Variants in PLA2G4A observed in about 807,000 individuals in gnomAD.
PLA2G4A encodes the protein cytosolic phospholipase A2.
PLA2G4A carries 40 observed loss-of-function variants against 81.9 expected under a neutral mutation model. The observed-to-expected ratio is 0.49, with a 90% CI of 0.38 to 0.64. The LOEUF (loss-of-function observed/expected upper bound fraction) is 0.64, where lower values mean the gene tolerates loss of function less well. PLA2G4A is among the 30% of genes least tolerant of loss of function. The probability of loss-of-function intolerance (pLI) is 0.00; values close to 1 mark genes in which losing one functional copy is unlikely to be tolerated. For missense variants in PLA2G4A, 715 were observed against 905.1 expected, an observed-to-expected ratio of 0.79 and a Z score of 2.69; for synonymous variants, 302 against 296.9, an observed-to-expected ratio of 1.02 and a Z score of -0.18.
chr1:186,965,640 C>A, intron 15 of PLA2G4A, 47 bp downstream of exon 15: 1 of 1,341,672 alleles, frequency 7.5e-7, no homozygotes, highest in South Asian at 1.2e-5. Flanking sequence ...CATTCTCTTG[C>A]TTGCCTTATA....
At chr1:186,835,228 A>G (rs1385372083) in intron 1 of PLA2G4A, among the ~76,000 whole-genome samples, 2 of 152,208 alleles carry the variant, frequency 1.3e-5, no homozygotes, top group Non-Finnish European at 2.9e-5. Context: ...CACAGGCAGT[A>G]AACTGGGATG....
At chr1:186,839,127 A>G (rs1651889338) in intron 1 of PLA2G4A, among the ~76,000 whole-genome samples, 1 of 152,216 alleles carries the variant, frequency 6.6e-6, no homozygotes, top group Non-Finnish European at 1.5e-5. Context: ...TTCACATAAA[A>G]ATGATTTAGT....
intron 1 of PLA2G4A, among the ~76,000 whole-genome samples, chr1:186,843,746 C>T (rs1317857403): frequency 6.6e-6 from 1 of 152,164 alleles, no homozygotes; most frequent in African/African-American, 2.4e-5. Context: ...GGAGTATCTC[C>T]AACGTCATGG....
At chr1:186,906,232 A>G (rs1320744037) in intron 5 of PLA2G4A, among the ~76,000 whole-genome samples, 1 of 152,234 alleles carries the variant, frequency 6.6e-6, no homozygotes, top group African/African-American at 2.4e-5. Flanking sequence ...AATATTGAAA[A>G]GGCCTTTCTG....
chr1:186,868,242 T>G (rs1181171594), intron 2 of PLA2G4A, among the ~76,000 whole-genome samples: 1 of 151,408 alleles, frequency 6.6e-6, no homozygotes, highest in African/African-American at 2.4e-5. Context: ...GCCCGGCTAA[T>G]TTTTTTTGTA....
chr1:186,942,100 A>G (rs138701065), intron 10 of PLA2G4A, among the ~76,000 whole-genome samples: 1 of 152,206 alleles, frequency 6.6e-6, no homozygotes, highest in Admixed American at 6.5e-5. Flanking sequence ...TGGATTGTGG[A>G]AGGGGGCATG....
intron 2 of PLA2G4A, among the ~76,000 whole-genome samples, chr1:186,868,484 T>A (rs1049012052): frequency 2.0e-5 from 3 of 152,236 alleles, no homozygotes; most frequent in Admixed American, 6.5e-5. Flanking sequence ...TTTTCTTTTC[T>A]TGTAATGACT....
chr1:186,865,003 T>C (rs558885278), intron 2 of PLA2G4A, among the ~76,000 whole-genome samples: 1 of 151,150 alleles, frequency 6.6e-6, no homozygotes, highest in Admixed American at 6.6e-5. Flanking sequence ...CTTGGGAGGC[T>C]GAGGTCGGAA....
At position 186,979,702 on chromosome 1, in the gene PLA2G4A, TACTC is replaced by T. The variant is rs1440181991; in HGVS notation, c.2118+232_2118+235del. On this transcript the variant is annotated intron_variant, in intron 17 of 17. Transcript: ENST00000367466. ...ATTATTTTATTGAATGATTGGTTAA[TACTC>T]AGTTTCTTTCCCGAAGTATCTATGT... Among the ~76,000 whole-genome samples, 22 of 152,188 alleles carry T rather than the reference TACTC, an allele frequency of 1.4e-4. No individual in the cohort carries two copies. The South Asian group carries it at 2.3e-3, about 16-fold the overall frequency.
At chr1:186,938,905 A>G (rs1656046890) in intron 8 of PLA2G4A, 103 bp from the exon 9 acceptor site, 1 of 738,248 alleles carries the variant, frequency 1.4e-6, no homozygotes, top group Non-Finnish European at 2.5e-6. Flanking sequence ...GAAGTTAACC[A>G]AATATGTCCA....
chr1:186,988,859 A>C lies in PLA2G4A; in HGVS notation c.*351A>C. 1 of 206,240 alleles carries C rather than the reference A, an allele frequency of 4.8e-6. No homozygotes were observed. The highest frequency in any genetic ancestry group is 1.0e-5 in the Non-Finnish European group (1 of 99,648). The allele number at this position is 206,240 out of a possible 1,614,324, so 12.8% of individuals were successfully genotyped here. A position where few individuals can be genotyped will look rare whatever the true frequency, so the allele number is the denominator to read the frequency against. On this transcript the variant is annotated 3_prime_UTR_variant, in exon 18 of 18. Transcript: ENST00000367466. Reference sequence around the variant, plus strand: ...TATTTAACAGTTCAATCTCAATAAGACCTCGCATTATGTATGAATGTTATT... The same window carrying C: ...TATTTAACAGTTCAATCTCAATAAGCCCTCGCATTATGTATGAATGTTATT...
chr1:186,880,795 A>G (rs1260152477), intron 3 of PLA2G4A, among the ~76,000 whole-genome samples: 1 of 152,070 alleles, frequency 6.6e-6, no homozygotes, highest in African/African-American at 2.4e-5. Context: ...AAACATCCGT[A>G]CATTCTAAGC....
At chr1:186,847,079 G>T (rs1186189060) in intron 1 of PLA2G4A, among the ~76,000 whole-genome samples, 3 of 151,742 alleles carry the variant, frequency 2.0e-5, no homozygotes, top group Non-Finnish European at 4.4e-5. Flanking sequence ...AAAAGGAAAT[G>T]TTTATAGAAT....
chr1:186,893,993 T>C lies in PLA2G4A; in HGVS notation c.265-105T>C, dbSNP rs1654242481. 4 of 706,522 alleles carry C rather than the reference T, an allele frequency of 5.7e-6. No individual in the cohort carries two copies. In the Admixed American group the frequency reaches 8.2e-5, roughly 14 times the overall value. The allele number at this position is 706,522 out of a possible 1,614,324, so 43.8% of individuals were successfully genotyped here. ...ATTGAGATCTTCAAGGACTCTTAAA[T>C]ATCATTTGAGAGCTTCATTTTTTTA... On this transcript the variant is annotated intron_variant, in intron 4 of 17. Transcript: ENST00000367466.
chr1:186,907,457 A>G (rs1654781974), intron 6 of PLA2G4A, among the ~76,000 whole-genome samples: 1 of 152,218 alleles, frequency 6.6e-6, no homozygotes, highest in Non-Finnish European at 1.5e-5. Flanking sequence ...GACTACTGCT[A>G]ATAATGTTCC....
chr1:186,954,539 G>A (rs1172772249), intron 13 of PLA2G4A, among the ~76,000 whole-genome samples: 1 of 151,964 alleles, frequency 6.6e-6, no homozygotes, highest in Non-Finnish European at 1.5e-5. Flanking sequence ...GTATAGCTAT[G>A]TATCAAACCT....
intron 10 of PLA2G4A, 59 bp downstream of exon 10, chr1:186,940,153 G>A: frequency 1.1e-6 from 1 of 928,292 alleles, no homozygotes; most frequent in East Asian, 2.4e-5. Context: ...GTTTCCCATG[G>A]TTTTCCTTAG....
At chr1:186,929,423 A>C (rs1655660959) in intron 7 of PLA2G4A, among the ~76,000 whole-genome samples, 1 of 152,186 alleles carries the variant, frequency 6.6e-6, no homozygotes, top group African/African-American at 2.4e-5. Flanking sequence ...TATAGTTCAT[A>C]GTTACAATTT....
chr1:186,880,579 C>G (rs1653694134), intron 3 of PLA2G4A, among the ~76,000 whole-genome samples: 1 of 151,878 alleles, frequency 6.6e-6, no homozygotes, highest in Admixed American at 6.6e-5. Flanking sequence ...AAAGAGTTAC[C>G]TGGCCCAAAA....
Sources: allele counts gnomAD v4.1 joint callset (sites outside exome capture counted in the v4.1 genomes callset), GRCh38; gene constraint gnomAD v4.1.1; transcripts MANE v1.5; gene names NCBI Gene and HGNC (gene_info 2026-07-23, HGNC 2026-07-21).